Variants in LURAP1L observed in about 807,000 individuals in gnomAD.
LURAP1L encodes the protein leucine rich adaptor protein 1-like.
LURAP1L carries 12 observed loss-of-function variants against 13.8 expected under a neutral mutation model. The ratio of observed to expected loss-of-function variants is 0.87; its 90% CI spans 0.56 to 1.41. LURAP1L has a LOEUF of 1.41. Among genes scored for constraint, LURAP1L ranks in the 40% most tolerant of loss-of-function variants. The pLI is 0.00. For missense variants in LURAP1L, 375 were observed against 292.9 expected, an observed-to-expected ratio of 1.28 and a Z score of -2.04; for synonymous variants, 139 against 119.2, an observed-to-expected ratio of 1.17 and a Z score of -1.08.
At position 12,780,489 on chromosome 9, in the gene LURAP1L, C is replaced by G. The variant is rs144857721; in HGVS notation, c.312+4462C>G. ...GGTGGATGTTGAGATATAACTAGGA[C>G]AGTATTATTTCATTTTACAGATAAG... On this transcript the variant is annotated intron_variant, in intron 1 of 1. Transcript: ENST00000319264. Among the ~76,000 whole-genome samples the G allele has an allele frequency of 1.1e-3, 170 of 152,256 alleles. 2 individuals are homozygous for G. The East Asian group carries it at 0.029, about 26-fold the overall frequency.
intron 1 of LURAP1L, among the ~76,000 whole-genome samples, chr9:12,815,567 C>T (rs923031970): frequency 6.6e-6 from 1 of 152,130 alleles, no homozygotes; most frequent in African/African-American, 2.4e-5. Context: ...ATTCATATTA[C>T]AGCTTGCAGG....
In LURAP1L at chr9:12,822,973, T is replaced by C. The variant is rs1819901960; in HGVS notation, c.*1213T>C. ...GTTTCACCCAAATTTCCTTTGTTATTATATATTTACTACACATGTTGAATT... is the reference window on the plus strand; with the variant it reads ...GTTTCACCCAAATTTCCTTTGTTATCATATATTTACTACACATGTTGAATT... On this transcript the variant is annotated 3_prime_UTR_variant, in exon 2 of 2. Coordinates refer to ENST00000319264, the MANE Select transcript of LURAP1L (RefSeq NM_203403.2). Among the ~76,000 whole-genome samples, 1 of 152,228 alleles carries C rather than the reference T, an allele frequency of 6.6e-6. No homozygotes were observed. The highest frequency in any genetic ancestry group is 2.1e-4 in the South Asian group (1 of 4,830).
At chr9:12,799,177 C>A (rs1009021497) in intron 1 of LURAP1L, among the ~76,000 whole-genome samples, 5 of 152,088 alleles carry the variant, frequency 3.3e-5, no homozygotes, top group African/African-American at 9.7e-5. Context: ...CAATTTTGGC[C>A]AAGTCATCAA....
intron 1 of LURAP1L, among the ~76,000 whole-genome samples, chr9:12,795,354 C>T (rs1416973462): frequency 6.6e-6 from 1 of 151,560 alleles, no homozygotes; most frequent in Non-Finnish European, 1.5e-5. Context: ...AATGTTTAGC[C>T]GAGTGTAAGA....
chr9:12,778,928 G>C (rs1819229071), intron 1 of LURAP1L, among the ~76,000 whole-genome samples: 1 of 152,134 alleles, frequency 6.6e-6, no homozygotes, highest in Non-Finnish European at 1.5e-5. Flanking sequence ...ACTGTGGATA[G>C]TACCAAAGCC....
intron 1 of LURAP1L, chr9:12,790,666 G>A (rs983790863): frequency 2.0e-5 from 3 of 151,892 alleles, no homozygotes; most frequent in Admixed American, 6.6e-5. Flanking sequence ...TGCAGGACCT[G>A]CTCTTTCCTC....
In LURAP1L at chr9:12,788,468, A is replaced by G. The variant is rs559121923; in HGVS notation, c.312+12441A>G. ...TTCTGGTGCCAGTAACAATGTGGAA[A>G]TTTATCCTATAGAAATAATAATAAA... is the stretch of plus-strand genomic sequence containing the variant. On this transcript the variant is annotated intron_variant, in intron 1 of 1. Transcript: ENST00000319264. Among the ~76,000 whole-genome samples the G allele has an allele frequency of 3.3e-5, 5 of 152,324 alleles. No homozygotes were observed. The East Asian group carries it at 9.6e-4, about 29-fold the overall frequency.
At chr9:12,812,458 C>T (rs1819749932) in intron 1 of LURAP1L, among the ~76,000 whole-genome samples, 1 of 152,178 alleles carries the variant, frequency 6.6e-6, no homozygotes, top group South Asian at 2.1e-4. Flanking sequence ...CTCTCTGTTG[C>T]CTTTGTAAGA....
chr9:12,811,025 G>A lies in LURAP1L; in HGVS notation c.313-10361G>A, dbSNP rs532661588. On this transcript the variant is annotated intron_variant, in intron 1 of 1. Coordinates refer to ENST00000319264, the MANE Select transcript of LURAP1L (RefSeq NM_203403.2). ...TTCCTATGCAAAGGGCCATTGTACAGGTCTTTTATAAAAAAAATGTTAACC... is the reference window on the plus strand; with the variant it reads ...TTCCTATGCAAAGGGCCATTGTACAAGTCTTTTATAAAAAAAATGTTAACC... Among the ~76,000 whole-genome samples the A allele has an allele frequency of 9.6e-4, 146 of 152,170 alleles. 4 individuals carry two copies. The South Asian group carries it at 0.029, about 30-fold the overall frequency.
chr9:12,776,176 G>A (rs1269828258), intron 1 of LURAP1L, 149 bp downstream of exon 1: 1 of 819,020 alleles, frequency 1.2e-6, no homozygotes, highest in Non-Finnish European at 1.9e-6. Context: ...GAATGAGCAG[G>A]GGGCGCTCAT....
At chr9:12,815,749 G>A (rs1819796748) in intron 1 of LURAP1L, among the ~76,000 whole-genome samples, 1 of 152,050 alleles carries the variant, frequency 6.6e-6, no homozygotes, top group South Asian at 2.1e-4. Flanking sequence ...CTCCAGAAAG[G>A]CAAAAAATGT....
chr9:12,816,843 G>A (rs1037566042), intron 1 of LURAP1L, among the ~76,000 whole-genome samples: 2 of 152,210 alleles, frequency 1.3e-5, no homozygotes, highest in Non-Finnish European at 2.9e-5. Context: ...GGGAAGTGAA[G>A]AGGAAAAGAG....
At chr9:12,793,068 C>T (rs1330140590) in intron 1 of LURAP1L, among the ~76,000 whole-genome samples, 1 of 151,874 alleles carries the variant, frequency 6.6e-6, no homozygotes, top group Non-Finnish European at 1.5e-5. Flanking sequence ...GTCACTGGGC[C>T]CATGCTGATT....
chr9:12,777,127 C>A (rs1359701), intron 1 of LURAP1L: 488,512 of 572,560 alleles, frequency 0.85, 210,482 homozygotes, highest in Non-Finnish European at 0.89. Context: ...GACAGGAATG[C>A]TGGAAATTAT....
chr9:12,777,896 G>C (rs1351161591), intron 1 of LURAP1L, among the ~76,000 whole-genome samples: 2 of 152,132 alleles, frequency 1.3e-5, no homozygotes, highest in Non-Finnish European at 2.9e-5. Flanking sequence ...TTGTAGTGAT[G>C]AATCACAATT....
intron 1 of LURAP1L, among the ~76,000 whole-genome samples, chr9:12,811,863 A>G (rs1359862094): frequency 6.6e-6 from 1 of 152,190 alleles, no homozygotes; most frequent in African/African-American, 2.4e-5. Flanking sequence ...TCTCTCACAA[A>G]TCTGCCATCA....
intron 1 of LURAP1L, among the ~76,000 whole-genome samples, chr9:12,793,490 C>T (rs913878326): frequency 6.6e-6 from 1 of 151,968 alleles, no homozygotes; most frequent in Admixed American, 6.6e-5. Context: ...ACTCAACAGC[C>T]GTGTTTCTTT....
chr9:12,786,574 ATATAT>A (rs1563888396), intron 1 of LURAP1L, among the ~76,000 whole-genome samples: 31 of 128,790 alleles, frequency 2.4e-4, no homozygotes, highest in Admixed American at 9.2e-4. Flanking sequence ...ATATATATAT[ATATAT>A]ATAAACCCTT....
Position 12,822,350 on chromosome 9 carries a change from C to A in LURAP1L, c.*590C>A, listed in dbSNP as rs1819892698. On this transcript the variant is annotated 3_prime_UTR_variant, in exon 2 of 2. Transcript: ENST00000319264. ...CCCAACTATACACATTCTGTTCAACCAACTCACCCTTGTGTTGGTACTTTA... is the reference window on the plus strand; with the variant it reads ...CCCAACTATACACATTCTGTTCAACAAACTCACCCTTGTGTTGGTACTTTA... Among the ~76,000 whole-genome samples the A allele has an allele frequency of 6.6e-6, 1 of 152,146 alleles. No homozygotes were observed. Among genetic ancestry groups the A allele is most frequent in the South Asian group, 2.1e-4 (1 of 4,834 alleles).
Sources: allele counts gnomAD v4.1 joint callset (sites outside exome capture counted in the v4.1 genomes callset), GRCh38; gene constraint gnomAD v4.1.1; transcripts MANE v1.5; gene names NCBI Gene and HGNC (gene_info 2026-07-23, HGNC 2026-07-21).